ST3GAL1: variants seen among roughly 807,000 people sequenced by gnomAD.
ST3GAL1 encodes ST3 beta-galactoside alpha-2,3-sialyltransferase 1.
In ST3GAL1, 16 loss-of-function variants were observed where a neutral mutation model predicts 34.1. The observed-to-expected ratio is 0.47, with a 90% CI of 0.32 to 0.71. ST3GAL1 has a LOEUF of 0.71. Ranked by LOEUF, ST3GAL1 falls within the 30% of genes least tolerant of loss-of-function variation. The probability of loss-of-function intolerance (pLI) is 0.04; values close to 1 mark genes in which losing one functional copy is unlikely to be tolerated. For synonymous variants in ST3GAL1, 191 were observed against 184.7 expected (o/e 1.03, Z -0.28); for missense variants, 353 against 447.4 (o/e 0.79, Z 1.90).
chr8:133,477,156 T>C (rs991517233), intron 3 of ST3GAL1, among the ~76,000 whole-genome samples: 2 of 152,222 alleles, frequency 1.3e-5, no homozygotes, highest in Non-Finnish European at 2.9e-5. Flanking sequence ...TTGACCTTCC[T>C]GACCCTCAGT....
At chr8:133,562,833 CCTTCCT>C (rs1819277957) in intron 1 of ST3GAL1, among the ~76,000 whole-genome samples, 2 of 75,184 alleles carry the variant, frequency 2.7e-5, no homozygotes, top group African/African-American at 1.3e-4. Flanking sequence ...TTCCTTCCTT[CCTTCCT>C]TCCTTTCTTT....
At position 133,459,068 on chromosome 8, in the gene ST3GAL1, T is replaced by TA. The variant is rs1245243986; in HGVS notation, c.*695dup. On this transcript the variant is annotated 3_prime_UTR_variant, in exon 10 of 10. Coordinates refer to ENST00000522652, the MANE Select transcript of ST3GAL1 (RefSeq NM_173344.3). The surrounding 1 kb of genome is among the most constrained non-coding windows in gnomAD (Gnocchi z 4.7). Reference sequence around the variant, plus strand: ...GCCTGGCTAATTTTTTTAAATCTTTTATTTTTGTAGAGACAGGAGTCTCAC... The same window carrying TA: ...GCCTGGCTAATTTTTTTAAATCTTTTAATTTTTGTAGAGACAGGAGTCTCAC... The TA allele has an allele frequency of 6.6e-6, 1 of 152,032 alleles. No homozygotes were observed. The highest frequency in any genetic ancestry group is 1.5e-5 in the Non-Finnish European group (1 of 68,018). The allele number at this position is 152,032 out of a possible 1,614,324, so 9.4% of individuals were successfully genotyped here. A position where few individuals can be genotyped will look rare whatever the true frequency, so the allele number is the denominator to read the frequency against.
At position 133,556,180 on chromosome 8, in the gene ST3GAL1, G is replaced by A. The variant is rs1019199116; in HGVS notation, c.-581-10254C>T. Among the ~76,000 whole-genome samples, 11 of 152,270 alleles carry A rather than the reference G, an allele frequency of 7.2e-5. No individual in the cohort carries two copies. The highest frequency in any genetic ancestry group is 2.6e-4 in the African/African-American group (11 of 41,532). On this transcript the variant is annotated intron_variant, in intron 1 of 9. Transcript: ENST00000522652. This position sits in a 1 kb window ranked among gnomAD's most constrained non-coding sequence, Gnocchi z 8.9. ...CAAAGTGCTAGGATTGCAGGCATGA[G>A]CCACCATGCCCAGCTTGTTTTTTCT...
rs1287760256 is a variant in ST3GAL1 at position 133,541,116 on chromosome 8, T to TAGAGAGAGAGAGAG, written c.-429+4657_-429+4658insCTCTCTCTCTCTCT. Among the ~76,000 whole-genome samples the TAGAGAGAGAGAGAG allele has an allele frequency of 4.8e-3, 232 of 48,494 alleles. 12 individuals are homozygous for TAGAGAGAGAGAGAG. The highest frequency in any genetic ancestry group is 6.0e-3 in the Admixed American group (30 of 4,974). The allele number at this position is 48,494 out of a possible 152,430, so 31.8% of individuals were successfully genotyped here. On this transcript the variant is annotated intron_variant, in intron 2 of 9. Transcript: ENST00000522652. Reference sequence around the variant, plus strand: ...ATAAACATATATATATATATATATATATATAGAGAGAGAGAGAGAGAGAGA... The same window carrying TAGAGAGAGAGAGAG: ...ATAAACATATATATATATATATATATAGAGAGAGAGAGAGATATAGAGAGAGAGAGAGAGAGAGA...
At chr8:133,492,033 G>A (rs1816801673) in intron 3 of ST3GAL1, among the ~76,000 whole-genome samples, 1 of 152,150 alleles carries the variant, frequency 6.6e-6, no homozygotes, top group Non-Finnish European at 1.5e-5. Flanking sequence ...GGCAAGGATC[G>A]GCACCACGGG....
intron 6 of ST3GAL1, 136 bp from the exon 7 acceptor site, chr8:133,465,093 T>A: frequency 2.5e-6 from 2 of 804,390 alleles, no homozygotes; most frequent in Non-Finnish European, 3.9e-6. Context: ...CTTCTCCTCA[T>A]CTGTAAAATA....
rs185759307 is a variant in ST3GAL1, at chr8:133,555,979, C to T, written c.-581-10053G>A. On this transcript the variant is annotated intron_variant, in intron 1 of 9. Coordinates refer to ENST00000522652, the MANE Select transcript of ST3GAL1 (RefSeq NM_173344.3). ...CACGGTCTCGGCTCACTGCAACCTC[C>T]GCCTCCCAAGTTCAAGCAATTCTCG... Among the ~76,000 whole-genome samples the T allele has an allele frequency of 1.2e-3, 188 of 152,252 alleles. 1 individual carries two copies. The East Asian group carries it at 0.023, about 19-fold the overall frequency.
intron 2 of ST3GAL1, among the ~76,000 whole-genome samples, chr8:133,531,599 GTTC>G (rs1294141775): frequency 6.6e-6 from 1 of 152,046 alleles, no homozygotes; most frequent in African/African-American, 2.4e-5. Context: ...AAAAAGCCAT[GTTC>G]TTCTCCAGTG....
At position 133,570,109 on chromosome 8, in the gene ST3GAL1, C is replaced by T. The variant is rs1819524442; in HGVS notation, c.-582+1584G>A. 1.3e-5 allele frequency: 2 copies of T among 152,416 alleles called. No homozygotes were observed. The highest frequency in any genetic ancestry group is 1.3e-4 in the Admixed American group (2 of 15,288). 9.4% of individuals were successfully genotyped at this position (152,416 alleles called of 1,614,324 possible). On this transcript the variant is annotated intron_variant, in intron 1 of 9. Transcript: ENST00000522652. The surrounding 1 kb of genome is among the most constrained non-coding windows in gnomAD (Gnocchi z 5.6). ...ATTGGAAAACCCGGCTCCCCTCTCA[C>T]CCCGTTTTCCTCGTTGGCGAGTCGG...
chr8:133,555,613 C>T (rs1586666567), intron 1 of ST3GAL1, among the ~76,000 whole-genome samples: 1 of 152,272 alleles, frequency 6.6e-6, no homozygotes, highest in South Asian at 2.1e-4. Context: ...GGAAAAGAAA[C>T]CTTGCTTGCA....
intron 2 of ST3GAL1, among the ~76,000 whole-genome samples, chr8:133,500,711 A>G (rs1817122789): frequency 1.3e-5 from 2 of 152,192 alleles, no homozygotes; most frequent in African/African-American, 4.8e-5. Context: ...CAAGAAGATT[A>G]AGAGGATCAA....
At chr8:133,483,712 G>A (rs1294775032) in intron 3 of ST3GAL1, among the ~76,000 whole-genome samples, 1 of 152,178 alleles carries the variant, frequency 6.6e-6, no homozygotes, top group African/African-American at 2.4e-5. Context: ...AGGACCTGCA[G>A]GAAGGAGCTC....
rs1217939161 is a variant in ST3GAL1 at position 133,508,223 on chromosome 8, G to A, written c.-428-9034C>T. Reference sequence around the variant, plus strand: ...TCTGATTCAAACACCAAACTACCTGGACTCCAGAGTCCAGAACACGTTTCT... The same window carrying A: ...TCTGATTCAAACACCAAACTACCTGAACTCCAGAGTCCAGAACACGTTTCT... On this transcript the variant is annotated intron_variant, in intron 2 of 9. Coordinates refer to ENST00000522652, the MANE Select transcript of ST3GAL1 (RefSeq NM_173344.3). This position sits in a 1 kb window ranked among gnomAD's most constrained non-coding sequence, Gnocchi z 4.1. Among the ~76,000 whole-genome samples the A allele has an allele frequency of 1.3e-5, 2 of 152,162 alleles. No homozygotes were observed. The highest frequency in any genetic ancestry group is 2.1e-4 in the South Asian group (1 of 4,830).
intron 1 of ST3GAL1, among the ~76,000 whole-genome samples, chr8:133,559,903 C>G (rs1287507113): frequency 6.6e-6 from 1 of 152,150 alleles, no homozygotes; most frequent in Non-Finnish European, 1.5e-5. Context: ...CCTCAATCCC[C>G]AGGCACCTTG....
intron 1 of ST3GAL1, among the ~76,000 whole-genome samples, chr8:133,559,165 A>C (rs1819147162): frequency 6.6e-6 from 1 of 152,216 alleles, no homozygotes; most frequent in Admixed American, 6.5e-5. Flanking sequence ...ACAGAAATAC[A>C]TCAGAGATAC....
At chr8:133,544,601 G>T (rs1386781942) in intron 2 of ST3GAL1, among the ~76,000 whole-genome samples, 17 of 152,130 alleles carry the variant, frequency 1.1e-4, no homozygotes, top group South Asian at 2.1e-4. Flanking sequence ...GAACACAGAA[G>T]CGATTGCTTC....
chr8:133,564,151 C>T (rs1819324001), intron 1 of ST3GAL1, among the ~76,000 whole-genome samples: 1 of 152,172 alleles, frequency 6.6e-6, no homozygotes, highest in South Asian at 2.1e-4. Flanking sequence ...ATCTGACTTC[C>T]TGAGAAATCA....
intron 1 of ST3GAL1, among the ~76,000 whole-genome samples, chr8:133,567,803 G>A (rs1426972963): frequency 3.3e-5 from 5 of 152,200 alleles, no homozygotes; most frequent in South Asian, 2.1e-4. Flanking sequence ...CTGTGATACC[G>A]GGAGGGTTTT....
chr8:133,473,074 C>T lies in ST3GAL1; in HGVS notation c.306+2645G>A, dbSNP rs186393216. Among the ~76,000 whole-genome samples the T allele has an allele frequency of 1.3e-3, 182 of 142,022 alleles. 1 individual carries two copies. Among genetic ancestry groups the T allele is most frequent in the Middle Eastern group, 3.7e-3 (1 of 268 alleles). The allele number at this position is 142,022 out of a possible 152,430, so 93.2% of individuals were successfully genotyped here. A position where few individuals can be genotyped will look rare whatever the true frequency, so the allele number is the denominator to read the frequency against. On this transcript the variant is annotated intron_variant, in intron 5 of 9. Transcript: ENST00000522652. ...CAAACTCTGCGACAAAACCTAGGAACGCTGATGCCAGGCCCCAGTTCCTAA... is the reference window on the plus strand; with the variant it reads ...CAAACTCTGCGACAAAACCTAGGAATGCTGATGCCAGGCCCCAGTTCCTAA...
Sources: allele counts gnomAD v4.1 joint callset (sites outside exome capture counted in the v4.1 genomes callset), GRCh38; gene constraint gnomAD v4.1.1; non-coding constraint Gnocchi (gnomAD v3.1); transcripts MANE v1.5; gene names NCBI Gene and HGNC (gene_info 2026-07-23, HGNC 2026-07-21).